The following WDR83 variants were observed in gnomAD, a reference collection of about 807,000 sequenced individuals.
The protein encoded by WDR83 is WD repeat domain 83.
Under a neutral mutation model 37.7 loss-of-function variants are expected in WDR83, and 37 were observed. The ratio of observed to expected loss-of-function variants is 0.98; its 90% CI spans 0.76 to 1.29. The LOEUF (loss-of-function observed/expected upper bound fraction) is 1.29. Ranked by LOEUF, WDR83 falls within the 50% of genes most tolerant of loss-of-function variation. The probability of loss-of-function intolerance (pLI) is 0.00; values close to 1 mark genes in which losing one functional copy is unlikely to be tolerated. For missense variants in WDR83, 445 were observed against 414.4 expected (o/e 1.07, Z -0.64); for synonymous variants, 174 against 181.1 (o/e 0.96, Z 0.31).
Position 12,675,726 on chromosome 19 carries a change from T to G in WDR83, c.*54T>G. Reference sequence around the variant, plus strand: ...GACCGAGACACAGACATGGAAGGACTTCAGATACCATCTTATTCTAGAGAC... The same window carrying G: ...GACCGAGACACAGACATGGAAGGACGTCAGATACCATCTTATTCTAGAGAC... On this transcript the variant is annotated 3_prime_UTR_variant, in exon 11 of 11. Transcript: ENST00000418543. 1 of 1,587,864 alleles carries G rather than the reference T, an allele frequency of 6.3e-7. No individual in the cohort carries two copies. Among genetic ancestry groups the G allele is most frequent in the Non-Finnish European group, 8.5e-7 (1 of 1,170,300 alleles).
Position 12,670,225 on chromosome 19 carries a change from G to T in WDR83, c.270G>T (p.Ala90=), listed in dbSNP as rs1216280508. ...SSLCSGGGDK[A]VVLWDVASGQ... is the part of the protein sequence containing the mutation. The stretch of plus-strand genomic sequence containing the variant: ...TCTGCTCCGGCGGCGGGGACAAGGC[G>T]GTGGTTCTGTGGGATGTGGCATCAG... Residue 90 remains alanine (A), a synonymous_variant, in exon 5 of 11, where the codon GCG becomes GCT. Transcript: ENST00000418543. 1.2e-6 allele frequency: 2 copies of T among 1,614,184 alleles called. No individual in the cohort carries two copies. The highest frequency in any genetic ancestry group is 1.7e-6 in the Non-Finnish European group (2 of 1,180,022).
chr19:12,667,712 A>C (rs890701991), intron 1 of WDR83, among the ~76,000 whole-genome samples: 2 of 152,210 alleles, frequency 1.3e-5, no homozygotes, highest in African/African-American at 4.8e-5. Flanking sequence ...GGTCCCAGTT[A>C]CGTGGCAGGC....
In WDR83 at chr19:12,668,991, G is replaced by C. The variant is rs2024332190; in HGVS notation, c.-37+364G>C. On this transcript the variant is annotated intron_variant, in intron 2 of 10. Transcript: ENST00000418543. ...AAGACTGGGGCTTTCTCGGCCCAGC[G>C]TCATCGCAGCCCCACTCCCGGCCGA... is the stretch of plus-strand genomic sequence containing the variant. 2.1e-5 allele frequency: 18 copies of C among 871,232 alleles called. No homozygotes were observed. In the East Asian group the frequency reaches 4.7e-4, roughly 23 times the overall value. 54.0% of individuals were successfully genotyped at this position (871,232 alleles called of 1,614,324 possible).
rs957059166 is a variant in WDR83, at chr19:12,669,736, C to G, written c.-36-19C>G. On this transcript the variant is annotated intron_variant, in intron 2 of 10. Transcript: ENST00000418543. ...TACACCCAAGCGTGGGTTTCTAAGG[C>G]GCGGAATTTTCCGTACAGACCGATT... The G allele has an allele frequency of 2.2e-4, 329 of 1,515,156 alleles. No individual in the cohort carries two copies. The highest frequency in any genetic ancestry group is 2.7e-4 in the Non-Finnish European group (303 of 1,125,994). The allele number at this position is 1,515,156 out of a possible 1,614,324, so 93.9% of individuals were successfully genotyped here. A position where few individuals can be genotyped will look rare whatever the true frequency, so the allele number is the denominator to read the frequency against.
chr19:12,672,762 G>A, intron 7 of WDR83, 85 bp from the exon 8 acceptor site: 3 of 1,380,462 alleles, frequency 2.2e-6, no homozygotes, highest in South Asian at 2.5e-5. Flanking sequence ...TGGAAGAGCA[G>A]GCCCACTGGG....
intron 2 of WDR83, chr19:12,669,279 GAT>G: frequency 1.2e-6 from 2 of 1,609,420 alleles, no homozygotes; most frequent in Non-Finnish European, 1.7e-6. Context: ...CTGCCCCCGG[GAT>G]AGACAGGCGC....
intron 7 of WDR83, 58 bp downstream of exon 7, chr19:12,670,879 C>A: frequency 6.4e-7 from 1 of 1,571,480 alleles, no homozygotes; most frequent in East Asian, 2.4e-5. Context: ...ATAGCTGCCC[C>A]CATGCTCAGA....
At position 12,669,796 on chromosome 19, in the gene WDR83, T is replaced by C. The variant is rs754641803; in HGVS notation, c.6T>C (p.Ala2=). The C allele has an allele frequency of 6.2e-7, 1 of 1,604,668 alleles. No homozygotes were observed. The highest frequency in any genetic ancestry group is 1.7e-5 in the Admixed American group (1 of 58,178). Residue 2 remains alanine, a synonymous_variant, in exon 3 of 11, where the codon GCT becomes GCC. Coordinates refer to ENST00000418543, the MANE Select transcript of WDR83 (RefSeq NM_001099737.3). M[A]FPEPKPRPPE... is the part of the protein sequence containing the mutation. ...AAGGAAGGAGTCCTGGGAGCATGGC[T>C]TTCCCTGAGCCAAAGCCGCGGCCTC...
intron 2 of WDR83, chr19:12,669,437 T>G: frequency 1.3e-6 from 2 of 1,575,252 alleles, no homozygotes; most frequent in Non-Finnish European, 1.7e-6. Context: ...CCTCTTCCGC[T>G]GCAGGAATCG....
At chr19:12,668,099 G>A (rs571695749) in intron 1 of WDR83, 142 of 449,126 alleles carry the variant, frequency 3.2e-4, no homozygotes, top group East Asian at 6.8e-4. Context: ...ATTAACAACA[G>A]GTTTCAACGA....
chr19:12,675,141 C>G (rs1323682976), intron 10 of WDR83, among the ~76,000 whole-genome samples: 1 of 150,800 alleles, frequency 6.6e-6, no homozygotes, highest in African/African-American at 2.4e-5. Flanking sequence ...AAAAAGACTC[C>G]CAAAGCCAGG....
chr19:12,669,071 GC>G, intron 2 of WDR83: 6 of 1,571,560 alleles, frequency 3.8e-6, no homozygotes, highest in African/African-American at 1.3e-5. Flanking sequence ...TTCCAAACCC[GC>G]CCCCGGGCCT....
At position 12,675,506 on chromosome 19, in the gene WDR83, T is replaced by C. The variant is rs1382563886; in HGVS notation, c.799-17T>C. On this transcript the variant is annotated splice_polypyrimidine_tract_variant and intron_variant, in intron 10 of 10. Transcript: ENST00000418543. Reference sequence around the variant, plus strand: ...AGCCCAGCCACAGATAACCACTCCCTACCCCTCGCTCCACAGGGTGCGCTG... The same window carrying C: ...AGCCCAGCCACAGATAACCACTCCCCACCCCTCGCTCCACAGGGTGCGCTG... 6.2e-7 allele frequency: 1 copy of C among 1,601,154 alleles called. No individual in the cohort carries two copies. Among genetic ancestry groups the C allele is most frequent in the Non-Finnish European group, 8.5e-7 (1 of 1,179,598 alleles).
rs751277321 is a variant in WDR83, at chr19:12,670,814, C to T, written c.499C>T (p.Leu167=). 14 of 1,612,896 alleles carry T rather than the reference C, an allele frequency of 8.7e-6. 1 individual carries two copies. In the Admixed American group the frequency reaches 2.0e-4, roughly 23 times the overall value. Residue 167 remains leucine (L), a synonymous_variant, in exon 7 of 11, where the codon CTG becomes TTG. Coordinates refer to ENST00000418543, the MANE Select transcript of WDR83 (RefSeq NM_001099737.3). Reference sequence around the variant, plus strand: ...TGTGAAGGTGTCAGACCACGAGATCCTGGCAGGGTGAGTGGAGCCAGGACC... The same window carrying T: ...TGTGAAGGTGTCAGACCACGAGATCTTGGCAGGGTGAGTGGAGCCAGGACC... ...SSVKVSDHEI[L]AGSVDGRVRR... is the part of the protein sequence containing the mutation.
At chr19:12,674,913 A>C (rs965397795) in intron 10 of WDR83, among the ~76,000 whole-genome samples, 1 of 151,040 alleles carries the variant, frequency 6.6e-6, no homozygotes, top group African/African-American at 2.4e-5. Flanking sequence ...CAGGAGATAG[A>C]GATCATCCTG....
chr19:12,675,566 A>T lies in WDR83; in HGVS notation c.842A>T (p.Gln281Leu). 2.5e-6 allele frequency: 4 copies of T among 1,606,290 alleles called. No homozygotes were observed. The highest frequency in any genetic ancestry group is 3.4e-6 in the Non-Finnish European group (4 of 1,179,970). Residue 281 changes from glutamine (Q) to leucine (L), a missense_variant, in exon 11 of 11, where the codon CAG (glutamine) becomes CTG (leucine). Gln to Leu is a moderately radical substitution (Grantham distance 113). Transcript: ENST00000418543. The part of the protein sequence containing the change: ...LALPVGSGVV[Q>L]SLAYHPTEPC... ...CTGCCTGTGGGTTCCGGTGTGGTGCAGTCGCTGGCCTACCACCCAACAGAG... is the reference window on the plus strand; with the variant it reads ...CTGCCTGTGGGTTCCGGTGTGGTGCTGTCGCTGGCCTACCACCCAACAGAG...
At position 12,668,126 on chromosome 19, in the gene WDR83, C is replaced by G. The variant is rs1003915148; in HGVS notation, c.-156-382C>G. The G allele has an allele frequency of 5.7e-6, 3 of 528,526 alleles. No homozygotes were observed. In the African/African-American group the frequency reaches 5.8e-5, roughly 10 times the overall value. The allele number at this position is 528,526 out of a possible 1,614,324, so 32.7% of individuals were successfully genotyped here. ...TTTCAACGAGAAAGCAAATGAATAC[C>G]CCTAGAAACATGGACAGCATCTCCC... On this transcript the variant is annotated intron_variant, in intron 1 of 10. Coordinates refer to ENST00000418543, the MANE Select transcript of WDR83 (RefSeq NM_001099737.3).
Position 12,669,855 on chromosome 19 carries a change from A to G in WDR83, c.65A>G (p.Asp22Gly). 6.2e-6 allele frequency: 10 copies of G among 1,612,126 alleles called. No individual in the cohort carries two copies. The highest frequency in any genetic ancestry group is 4.0e-5 in the African/African-American group (3 of 75,022). Residue 22 changes from aspartate (D) to glycine (G), a missense_variant, in exon 3 of 11, where the codon GAC becomes GGC. Transcript: ENST00000418543. ...ELPQKRLKTL[D>G]CGQGAVRAVR... is the part of the protein sequence containing the mutation. ...CCGCAGAAACGGTTGAAGACGCTGG[A>G]CTGCGGGCAGGGGGCAGTGCGAGCC...
intron 10 of WDR83, among the ~76,000 whole-genome samples, 187 bp downstream of exon 10, chr19:12,673,503 C>T (rs1274463844): frequency 2.0e-5 from 3 of 150,578 alleles, no homozygotes; most frequent in Non-Finnish European, 3.0e-5. Context: ...CTGTAAACTC[C>T]GCCTCCCAAG....
Sources: gnomAD v4.1 joint callset for allele counts (sites outside exome capture counted in the v4.1 genomes callset) on GRCh38, gnomAD v4.1.1 for gene constraint, MANE v1.5 for transcripts, NCBI Gene and HGNC (gene_info 2026-07-23, HGNC 2026-07-21) for gene names.